RSU1: variants seen among roughly 807,000 people sequenced by gnomAD.
RSU1 encodes Ras suppressor protein 1.
A neutral mutation model predicts 31.1 loss-of-function variants in RSU1; 26 were observed. That is an observed-to-expected ratio of 0.84 (90% CI 0.61 to 1.16). The LOEUF is 1.16. RSU1 is among the 50% of genes most tolerant of loss of function. RSU1 has a pLI of 0.00. For missense variants in RSU1, 320 were observed against 339.1 expected, an observed-to-expected ratio of 0.94 and a Z score of 0.44; for synonymous variants, 164 against 136.3, an observed-to-expected ratio of 1.20 and a Z score of -1.41.
intron 8 of RSU1, among the ~76,000 whole-genome samples, chr10:16,671,152 A>G (rs1040553807): frequency 6.6e-6 from 1 of 152,196 alleles, no homozygotes; most frequent in Non-Finnish European, 1.5e-5. Flanking sequence ...TCATCACAGC[A>G]CTACTCACAA....
intron 2 of RSU1, among the ~76,000 whole-genome samples, chr10:16,803,785 A>G (rs773764548): frequency 2.6e-5 from 4 of 152,218 alleles, no homozygotes; most frequent in Non-Finnish European, 4.4e-5. Context: ...CACACACACA[A>G]AAATCAATCT....
chr10:16,807,895 T>C lies in RSU1; in HGVS notation c.109+9078A>G, dbSNP rs1241354938. Among the ~76,000 whole-genome samples, 4 of 151,366 alleles carry C rather than the reference T, an allele frequency of 2.6e-5. No individual in the cohort carries two copies. The East Asian group carries it at 7.8e-4, about 29-fold the overall frequency. ...AAAATTAGCCGGGCTTGGTGGCGGGTGCCTGTAGTCCCAGCCACTGGGGAG... is the reference window on the plus strand; with the variant it reads ...AAAATTAGCCGGGCTTGGTGGCGGGCGCCTGTAGTCCCAGCCACTGGGGAG... On this transcript the variant is annotated intron_variant, in intron 2 of 8. Transcript: ENST00000345264.
intron 8 of RSU1, among the ~76,000 whole-genome samples, chr10:16,602,548 G>C (rs1482980653): frequency 6.6e-6 from 1 of 152,148 alleles, no homozygotes; most frequent in Non-Finnish European, 1.5e-5. Context: ...GGGAGTGCAG[G>C]CTTAACTTCT....
intron 7 of RSU1, among the ~76,000 whole-genome samples, chr10:16,712,976 T>C (rs1431057917): frequency 6.6e-6 from 1 of 152,212 alleles, no homozygotes; most frequent in African/African-American, 2.4e-5. Flanking sequence ...TATAATATTC[T>C]TGGCTGACAG....
intron 2 of RSU1, among the ~76,000 whole-genome samples, chr10:16,790,592 G>A (rs565813417): frequency 6.6e-6 from 1 of 152,204 alleles, no homozygotes; most frequent in African/African-American, 2.4e-5. Context: ...AGGCTTATCT[G>A]AGCACAGAGA....
intron 2 of RSU1, among the ~76,000 whole-genome samples, chr10:16,798,827 T>C (rs1465371963): frequency 6.6e-6 from 1 of 151,996 alleles, no homozygotes; most frequent in East Asian, 1.9e-4. Context: ...TTTCAAACAA[T>C]GCTTTATGCC....
At chr10:16,711,837 T>C (rs1010473205) in intron 7 of RSU1, among the ~76,000 whole-genome samples, 2 of 152,206 alleles carry the variant, frequency 1.3e-5, no homozygotes, top group Admixed American at 6.5e-5. Flanking sequence ...TCATGTGTAA[T>C]TGAGAAGAAT....
chr10:16,716,210 G>C (rs1259091839), intron 7 of RSU1, among the ~76,000 whole-genome samples: 3 of 152,214 alleles, frequency 2.0e-5, no homozygotes, highest in African/African-American at 7.2e-5. Flanking sequence ...GCATCAGAGA[G>C]ACGCCTTCAC....
At chr10:16,782,595 G>T (rs1437630900) in intron 2 of RSU1, among the ~76,000 whole-genome samples, 2 of 152,134 alleles carry the variant, frequency 1.3e-5, no homozygotes, top group African/African-American at 4.8e-5. Flanking sequence ...CTCCTCCATG[G>T]TATCAGATGA....
rs1491366706 is a variant in RSU1 at position 16,645,908 on chromosome 10, ATG to A, written c.731+49113_731+49114del. Among the ~76,000 whole-genome samples, 20 of 77,818 alleles carry A rather than the reference ATG, an allele frequency of 2.6e-4. 3 individuals are homozygous for A. The highest frequency in any genetic ancestry group is 1.5e-3 in the South Asian group (3 of 1,944). 51.1% of individuals were successfully genotyped at this position (77,818 alleles called of 152,430 possible). A position where few individuals can be genotyped will look rare whatever the true frequency, so the allele number is the denominator to read the frequency against. ...TATACATATATGTATATACACATAT[ATG>A]TATATATATGTGTATATACACATAT... is the stretch of plus-strand genomic sequence containing the variant. On this transcript the variant is annotated intron_variant, in intron 8 of 8. Coordinates refer to ENST00000345264, the MANE Select transcript of RSU1 (RefSeq NM_012425.4).
chr10:16,702,873 T>C (rs772992650), intron 7 of RSU1, among the ~76,000 whole-genome samples: 1 of 152,168 alleles, frequency 6.6e-6, no homozygotes, highest in African/African-American at 2.4e-5. Context: ...ATGATATCGT[T>C]TGGATCTGCA....
chr10:16,785,269 T>C (rs923900562), intron 2 of RSU1, among the ~76,000 whole-genome samples: 1 of 151,968 alleles, frequency 6.6e-6, no homozygotes, highest in Non-Finnish European at 1.5e-5. Context: ...CCCTCGAATG[T>C]TGGACTCCAA....
chr10:16,815,184 T>C (rs7916048), intron 2 of RSU1, among the ~76,000 whole-genome samples: 94,519 of 152,198 alleles, frequency 0.62, 30,925 homozygotes, highest in African/African-American at 0.83. Flanking sequence ...TCTGCTCAGT[T>C]GCTGACAGCA....
rs1838196601 is a variant in RSU1 at position 16,803,306 on chromosome 10, G to T, written c.109+13667C>A. ...TTTAGATATATAGCTAACAAAATATGTACAAGCTCTATATGAGAAAAGCTT... is the reference window on the plus strand; with the variant it reads ...TTTAGATATATAGCTAACAAAATATTTACAAGCTCTATATGAGAAAAGCTT... On this transcript the variant is annotated intron_variant, in intron 2 of 8. Coordinates refer to ENST00000345264, the MANE Select transcript of RSU1 (RefSeq NM_012425.4). Among the ~76,000 whole-genome samples, 9 of 152,092 alleles carry T rather than the reference G, an allele frequency of 5.9e-5. No homozygotes were observed. In the South Asian group the frequency reaches 1.9e-3, roughly 31 times the overall value.
intron 8 of RSU1, among the ~76,000 whole-genome samples, chr10:16,652,392 CAAAAAA>C (rs71505091): frequency 1.1e-5 from 1 of 89,158 alleles, no homozygotes; most frequent in African/African-American, 3.9e-5. Flanking sequence ...TGCCCCAAAG[CAAAAAA>C]AAAAAAAAAA....
At chr10:16,717,060 CTTTA>C (rs1836156735) in intron 7 of RSU1, among the ~76,000 whole-genome samples, 1 of 152,154 alleles carries the variant, frequency 6.6e-6, no homozygotes, top group Non-Finnish European at 1.5e-5. Context: ...ACGAAATTAA[CTTTA>C]TTTTTTTATT....
intron 2 of RSU1, among the ~76,000 whole-genome samples, chr10:16,806,907 C>T (rs1277933416): frequency 6.6e-6 from 1 of 152,190 alleles, no homozygotes; most frequent in Non-Finnish European, 1.5e-5. Context: ...GCATGTACCA[C>T]CACACCCAGC....
At position 16,597,979 on chromosome 10, in the gene RSU1, G is replaced by A. The variant is rs562154089; in HGVS notation, c.732-4483C>T. Among the ~76,000 whole-genome samples, 8 of 152,326 alleles carry A rather than the reference G, an allele frequency of 5.3e-5. No individual in the cohort carries two copies. The East Asian group carries it at 9.7e-4, about 18-fold the overall frequency. On this transcript the variant is annotated intron_variant, in intron 8 of 8. Coordinates refer to ENST00000345264, the MANE Select transcript of RSU1 (RefSeq NM_012425.4). ...ACAGGGATGTGGCTATGGCAGTGGC[G>A]GTGCAGTCACAACAAGCTCCAAAGT...
At chr10:16,778,788 T>A (rs912331853) in intron 3 of RSU1, among the ~76,000 whole-genome samples, 1 of 151,722 alleles carries the variant, frequency 6.6e-6, no homozygotes, top group Non-Finnish European at 1.5e-5. Context: ...GAGCAGCAAA[T>A]GGAGAGGAGA....
Sources: allele counts gnomAD v4.1 joint callset (sites outside exome capture counted in the v4.1 genomes callset), GRCh38; gene constraint gnomAD v4.1.1; transcripts MANE v1.5; gene names NCBI Gene and HGNC (gene_info 2026-07-23, HGNC 2026-07-21).